C8orf34: variants seen among roughly 807,000 people sequenced by gnomAD.
The protein encoded by C8orf34 is uncharacterized protein C8orf34.
C8orf34 carries 65 observed loss-of-function variants against 68.3 expected under a neutral mutation model. The observed-to-expected ratio is 0.95, with a 90% CI of 0.78 to 1.17. The LOEUF (loss-of-function observed/expected upper bound fraction) is 1.17, where lower values mean the gene tolerates loss of function less well. C8orf34 is among the 50% of genes most tolerant of loss of function. The probability of loss-of-function intolerance (pLI) is 0.00; values close to 1 mark genes in which losing one functional copy is unlikely to be tolerated. For missense variants in C8orf34, 664 were observed against 655.4 expected (o/e 1.01, Z -0.14); for synonymous variants, 244 against 241.2 (o/e 1.01, Z -0.11).
At chr8:68,641,196 C>T (rs1563579889) in intron 8 of C8orf34, among the ~76,000 whole-genome samples, 2 of 152,320 alleles carry the variant, frequency 1.3e-5, no homozygotes, top group South Asian at 2.1e-4. Flanking sequence ...GAACAATGTA[C>T]TGGCTGGCCA....
At chr8:68,482,591 TG>T (rs369657709) in intron 4 of C8orf34, among the ~76,000 whole-genome samples, 1 of 152,326 alleles carries the variant, frequency 6.6e-6, no homozygotes, top group African/African-American at 2.4e-5. Flanking sequence ...GTGTTTTAGT[TG>T]ACTAATTGTC....
intron 8 of C8orf34, among the ~76,000 whole-genome samples, chr8:68,696,303 T>C (rs1014148412): frequency 2.0e-5 from 3 of 148,172 alleles, no homozygotes; most frequent in Non-Finnish European, 3.0e-5. Context: ...ATAGGGACTA[T>C]ATATATATCA....
At chr8:68,384,879 G>C (rs1358810335) in intron 1 of C8orf34, among the ~76,000 whole-genome samples, 1 of 152,146 alleles carries the variant, frequency 6.6e-6, no homozygotes, top group Non-Finnish European at 1.5e-5. Context: ...GATGACATGA[G>C]AGTGTAGAGT....
intron 7 of C8orf34, among the ~76,000 whole-genome samples, chr8:68,586,141 T>A (rs1033667847): frequency 4.6e-5 from 7 of 152,158 alleles, no homozygotes; most frequent in African/African-American, 1.7e-4. Flanking sequence ...AGTCTACATC[T>A]GGCTTTGATT....
intron 6 of C8orf34, among the ~76,000 whole-genome samples, chr8:68,531,604 T>A (rs571050430): frequency 6.6e-6 from 1 of 152,272 alleles, no homozygotes; most frequent in East Asian, 1.9e-4. Context: ...TGATGCTAAG[T>A]TTGATCACTT....
At chr8:68,380,742 T>C (rs557328071) in intron 1 of C8orf34, among the ~76,000 whole-genome samples, 2 of 152,378 alleles carry the variant, frequency 1.3e-5, no homozygotes, top group East Asian at 3.9e-4. Flanking sequence ...AAATATTTTA[T>C]GTGTGCAGAC....
intron 12 of C8orf34, among the ~76,000 whole-genome samples, chr8:68,803,606 C>T (rs558559197): frequency 2.0e-5 from 3 of 151,914 alleles, no homozygotes. Flanking sequence ...AAAATTTCTA[C>T]GATAATCAAA....
At chr8:68,639,119 G>A (rs746066979) in intron 7 of C8orf34, among the ~76,000 whole-genome samples, 55 of 152,198 alleles carry the variant, frequency 3.6e-4, no homozygotes, top group Non-Finnish European at 5.9e-4. Flanking sequence ...GAGGAATCAT[G>A]AGATCAAGAG....
chr8:68,391,029 A>G (rs568341821), intron 1 of C8orf34, among the ~76,000 whole-genome samples: 16 of 152,306 alleles, frequency 1.1e-4, no homozygotes, highest in African/African-American at 3.1e-4. Context: ...TGTTAACCAT[A>G]GCTACAAAAT....
intron 1 of C8orf34, among the ~76,000 whole-genome samples, chr8:68,380,303 C>T (rs562763635): frequency 2.6e-5 from 4 of 152,250 alleles, no homozygotes; most frequent in African/African-American, 9.6e-5. Flanking sequence ...TCCATTTTGC[C>T]ATGACAGGAA....
At chr8:68,335,451 T>G (rs968004543) in intron 1 of C8orf34, among the ~76,000 whole-genome samples, 20 of 152,172 alleles carry the variant, frequency 1.3e-4, no homozygotes, top group African/African-American at 4.8e-4. Flanking sequence ...TGAAGACTTT[T>G]CCTATATCAA....
intron 3 of C8orf34, among the ~76,000 whole-genome samples, chr8:68,449,163 A>C (rs2129627208): frequency 6.6e-6 from 1 of 152,278 alleles, no homozygotes; most frequent in South Asian, 2.1e-4. Context: ...TGGAAAAACA[A>C]ACAAACAAAC....
chr8:68,673,210 C>T (rs1335446615), intron 8 of C8orf34, among the ~76,000 whole-genome samples: 3 of 152,162 alleles, frequency 2.0e-5, no homozygotes, highest in Middle Eastern at 3.4e-3. Flanking sequence ...AGCTATGGTG[C>T]TATGGGAGGG....
In C8orf34 at chr8:68,569,583, TAAAC is replaced by T. The variant is rs1438166220; in HGVS notation, c.1105+36436_1105+36439del. 2.0e-5 allele frequency among the ~76,000 whole-genome samples: 3 copies of T among 152,340 alleles called. No homozygotes were observed. In the East Asian group the frequency reaches 5.8e-4, roughly 29 times the overall value. On this transcript the variant is annotated intron_variant, in intron 7 of 13. Transcript: ENST00000518698. ...CCTGTGACTGCCTGACCTCCCAGCC[TAAAC>T]ATGACTACTGCTTCATATCCTCTTC...
chr8:68,469,171 C>T (rs781718001), intron 4 of C8orf34, among the ~76,000 whole-genome samples: 1 of 151,960 alleles, frequency 6.6e-6, no homozygotes. Flanking sequence ...TAAACATACC[C>T]ATTGCCTCTG....
intron 5 of C8orf34, among the ~76,000 whole-genome samples, chr8:68,512,219 C>T (rs961692768): frequency 5.9e-5 from 9 of 152,132 alleles, no homozygotes; most frequent in Admixed American, 1.3e-4. Flanking sequence ...AACATAACAA[C>T]GTTAATTATG....
chr8:68,468,664 A>G lies in C8orf34; in HGVS notation c.608-28A>G, dbSNP rs753745947. 5 of 1,607,392 alleles carry G rather than the reference A, an allele frequency of 3.1e-6. No homozygotes were observed. The East Asian group carries it at 1.1e-4, about 36-fold the overall frequency. On this transcript the variant is annotated intron_variant, in intron 3 of 13. Coordinates refer to ENST00000518698, the MANE Select transcript of C8orf34 (RefSeq NM_052958.4). The stretch of plus-strand genomic sequence containing the variant: ...GTTTGTGTCATTATGTAGCATGCTT[A>G]TGAAATTACCATTTTTTTTAAACAT...
At chr8:68,584,632 C>T (rs1192074330) in intron 7 of C8orf34, among the ~76,000 whole-genome samples, 2 of 152,078 alleles carry the variant, frequency 1.3e-5, no homozygotes, top group African/African-American at 2.4e-5. Flanking sequence ...AGGGAAAACC[C>T]GGCAGGTGGA....
intron 7 of C8orf34, among the ~76,000 whole-genome samples, chr8:68,623,150 C>T (rs1003084667): frequency 2.6e-5 from 4 of 152,214 alleles, no homozygotes; most frequent in Non-Finnish European, 5.9e-5. Flanking sequence ...TGTCAGATTG[C>T]TTAGCCGAAC....
Sources: allele counts gnomAD v4.1 joint callset (sites outside exome capture counted in the v4.1 genomes callset), GRCh38; gene constraint gnomAD v4.1.1; transcripts MANE v1.5; gene names NCBI Gene and HGNC (gene_info 2026-07-23, HGNC 2026-07-21).